Variants in DYNC2H1 observed in about 807,000 individuals in gnomAD.
DYNC2H1 encodes cytoplasmic dynein 2 heavy chain 1.
A neutral mutation model predicts 570.0 loss-of-function variants in DYNC2H1; 410 were observed. The observed-to-expected ratio is 0.72, with a 90% CI of 0.66 to 0.78. The LOEUF (loss-of-function observed/expected upper bound fraction) is 0.78, where lower values mean the gene tolerates loss of function less well. Ranked by LOEUF, DYNC2H1 falls within the 30% of genes least tolerant of loss-of-function variation. The pLI, the probability that DYNC2H1 is intolerant of heterozygous loss-of-function variation, is 0.00. For synonymous variants in DYNC2H1, 1,688 were observed against 1,677.6 expected (o/e 1.01, Z -0.15); for missense variants, 4,865 against 5,046.4 (o/e 0.96, Z 1.09).
At chr11:103,253,487 C>T (rs186419030) in intron 66 of DYNC2H1, 39 bp downstream of exon 66, 23 of 1,568,738 alleles carry the variant, frequency 1.5e-5, no homozygotes, top group Middle Eastern at 1.7e-4. Flanking sequence ...GGAATCTTTT[C>T]GAGCTTTATA....
At chr11:103,220,864 G>T in intron 57 of DYNC2H1, 81 bp downstream of exon 57, 1 of 1,379,478 alleles carries the variant, frequency 7.2e-7, no homozygotes, top group Non-Finnish European at 9.7e-7. Flanking sequence ...TTCTTATATT[G>T]TTTTTCAAAA....
At chr11:103,433,438 T>C (rs1943963798) in intron 84 of DYNC2H1, among the ~76,000 whole-genome samples, 1 of 152,078 alleles carries the variant, frequency 6.6e-6, no homozygotes, top group South Asian at 2.1e-4. Flanking sequence ...CATAAAACAA[T>C]AGAAATTTCT....
intron 84 of DYNC2H1, among the ~76,000 whole-genome samples, chr11:103,429,136 C>T (rs1472356120): frequency 6.6e-6 from 1 of 151,906 alleles, no homozygotes; most frequent in East Asian, 1.9e-4. Context: ...TGGTGGGTGC[C>T]TGTAGTTCCA....
Position 103,280,603 on chromosome 11 carries a change from A to G in DYNC2H1, c.10761+190A>G, listed in dbSNP as rs11225648. On this transcript the variant is annotated intron_variant, in intron 71 of 88. Coordinates refer to ENST00000375735, the MANE Select transcript of DYNC2H1 (RefSeq NM_001377.3). This position sits in a 1 kb window ranked among gnomAD's most constrained non-coding sequence, Gnocchi z 4.7. ...TCCCTGTGGATGAGCCTAACATTCC[A>G]GAGTGATGGTAAAGCAGGGAAAGAA... Among the ~76,000 whole-genome samples the G allele has an allele frequency of 0.034, 5,126 of 152,252 alleles. 293 individuals carry two copies. The highest frequency in any genetic ancestry group is 0.12 in the African/African-American group (4,868 of 41,542).
rs527395071 is a variant in DYNC2H1 at position 103,439,541 on chromosome 11, A to C, written c.12456+3509A>C. Among the ~76,000 whole-genome samples the C allele has an allele frequency of 6.6e-6, 1 of 152,188 alleles. No individual in the cohort carries two copies. The highest frequency in any genetic ancestry group is 1.9e-4 in the East Asian group (1 of 5,164). ...AGAAGGAAAGTCAGATTATGTTTTA[A>C]AGGGACTGTTTTAGCTGCAGTATGG... On this transcript the variant is annotated intron_variant, in intron 85 of 88. Coordinates refer to ENST00000375735, the MANE Select transcript of DYNC2H1 (RefSeq NM_001377.3). This position sits in a 1 kb window ranked among gnomAD's most constrained non-coding sequence, Gnocchi z 4.1.
intron 13 of DYNC2H1, among the ~76,000 whole-genome samples, chr11:103,132,783 C>T (rs753733984): frequency 6.6e-6 from 1 of 151,618 alleles, no homozygotes; most frequent in Non-Finnish European, 1.5e-5. Context: ...TTTACTGATA[C>T]CTTGTTGTGA....
At chr11:103,378,914 T>C (rs927686942) in intron 83 of DYNC2H1, among the ~76,000 whole-genome samples, 15 of 152,354 alleles carry the variant, frequency 9.8e-5, no homozygotes, top group Non-Finnish European at 7.3e-5. Context: ...GTATTCTTTG[T>C]CTCTGATATT....
chr11:103,146,216 A>G (rs1184825494), intron 18 of DYNC2H1, among the ~76,000 whole-genome samples: 1 of 152,226 alleles, frequency 6.6e-6, no homozygotes, highest in African/African-American at 2.4e-5. Context: ...TATGTAATTA[A>G]AACATATAAT....
chr11:103,116,475 G>C, intron 4 of DYNC2H1, 95 bp from the exon 5 acceptor site: 1 of 863,318 alleles, frequency 1.2e-6, no homozygotes, highest in Non-Finnish European at 1.6e-6. Flanking sequence ...GCAAATATTA[G>C]AGTTGTGGCA....
intron 87 of DYNC2H1, among the ~76,000 whole-genome samples, chr11:103,457,560 AAAACTT>A (rs200927458): frequency 0.018 from 1,852 of 102,918 alleles, 26 homozygotes; most frequent in African/African-American, 0.085. Flanking sequence ...TTAAAAAGAA[AAAACTT>A]AAAAAATAAT....
chr11:103,460,062 C>T (rs1426823617), intron 87 of DYNC2H1, among the ~76,000 whole-genome samples: 2 of 151,810 alleles, frequency 1.3e-5, no homozygotes, highest in African/African-American at 4.8e-5. Flanking sequence ...CTATGTGGCC[C>T]AGGGTGAATT....
rs1565413057 is a variant in DYNC2H1 at position 103,228,413 on chromosome 11, G to C, written c.9354-2847G>C. On this transcript the variant is annotated intron_variant, in intron 59 of 88. Coordinates refer to ENST00000375735, the MANE Select transcript of DYNC2H1 (RefSeq NM_001377.3). This position sits in a 1 kb window ranked among gnomAD's most constrained non-coding sequence, Gnocchi z 6.1. ...TGTGATGGTCTTTCCCTTCCCCTAGGAATGGGTAGTTCTGAGATCTGAACT... is the reference window on the plus strand; with the variant it reads ...TGTGATGGTCTTTCCCTTCCCCTAGCAATGGGTAGTTCTGAGATCTGAACT... Among the ~76,000 whole-genome samples the C allele has an allele frequency of 6.6e-6, 1 of 152,098 alleles. No individual in the cohort carries two copies. The highest frequency in any genetic ancestry group is 1.5e-5 in the Non-Finnish European group (1 of 68,008).
In DYNC2H1 at chr11:103,161,010, T is replaced by G. The variant is rs745317010; in HGVS notation, c.4457T>G (p.Phe1486Cys). The change falls in exon 29 of 89, where the codon TTT becomes TGT. Residue 1486 changes from phenylalanine to cysteine, a missense_variant. Phe to Cys is a radical substitution (Grantham distance 205). Transcript: ENST00000375735. ...TCTTTAGAGGGAGAAGTTGTACCTT[T>G]TAAAAATAAAGTTCCTCTATCAAAT... ...MKSLEGEVVP[F>C]KNKVPLSNNV... 4 of 1,540,782 alleles carry G rather than the reference T, an allele frequency of 2.6e-6. No individual in the cohort carries two copies. Among genetic ancestry groups the G allele is most frequent in the Non-Finnish European group, 3.5e-6 (4 of 1,148,050 alleles).
At position 103,211,854 on chromosome 11, in the gene DYNC2H1, C is replaced by T. The variant is rs757011895; in HGVS notation, c.8605C>T (p.Pro2869Ser). The change falls in exon 54 of 89, where the codon CCA (proline) becomes TCA (serine). Residue 2869 changes from proline to serine, a missense_variant. Transcript: ENST00000375735. ...ATCTTGTAAAGCATATGGTGCTACA[C>T]CAAGCCGATACATGACCTTTTTACA... ...HESCKAYGAT[P>S]SRYMTFLHVY... 8.8e-5 allele frequency: 134 copies of T among 1,524,938 alleles called. No homozygotes were observed. Among genetic ancestry groups the T allele is most frequent in the Non-Finnish European group, 1.1e-4 (129 of 1,133,118 alleles). The allele number at this position is 1,524,938 out of a possible 1,614,324, so 94.5% of individuals were successfully genotyped here.
rs1373507113 is a variant in DYNC2H1 at position 103,239,004 on chromosome 11, A to C, written c.9819+2465A>C. Among the ~76,000 whole-genome samples, 1 of 152,194 alleles carries C rather than the reference A, an allele frequency of 6.6e-6. No homozygotes were observed. Among genetic ancestry groups the C allele is most frequent in the African/African-American group, 2.4e-5 (1 of 41,454 alleles). ...TTTGGGTGATAAATTATATGATCTA[A>C]TATTGGTCAACTCAGTGGATAATGG... On this transcript the variant is annotated intron_variant, in intron 63 of 88. Transcript: ENST00000375735. This position sits in a 1 kb window ranked among gnomAD's most constrained non-coding sequence, Gnocchi z 4.3.
At chr11:103,182,004 G>A in intron 40 of DYNC2H1, 118 bp downstream of exon 40, 2 of 1,092,362 alleles carry the variant, frequency 1.8e-6, no homozygotes, top group Admixed American at 2.8e-5. Context: ...GGTGAGAGGT[G>A]GATTTTGTCA....
At position 103,309,168 on chromosome 11, in the gene DYNC2H1, A is replaced by ATTTTTTTTTTTTTTTTTTTTTTTT. The variant is rs386374721; in HGVS notation, c.11493+1338_11493+1361dup. On this transcript the variant is annotated intron_variant, in intron 78 of 88. Coordinates refer to ENST00000375735, the MANE Select transcript of DYNC2H1 (RefSeq NM_001377.3). ...TTATTAGTGTTTGTAACTGCATGCT[A>ATTTTTTTTTTTTTTTTTTTTTTTT]TTTTTTTTTTTTTTTTTTTTTTTTG... Among the ~76,000 whole-genome samples, 225 of 54,636 alleles carry ATTTTTTTTTTTTTTTTTTTTTTTT rather than the reference A, an allele frequency of 4.1e-3. 45 individuals are homozygous for ATTTTTTTTTTTTTTTTTTTTTTTT. Among genetic ancestry groups the ATTTTTTTTTTTTTTTTTTTTTTTT allele is most frequent in the Non-Finnish European group, 5.6e-3 (164 of 29,370 alleles). The allele number at this position is 54,636 out of a possible 152,430, so 35.8% of individuals were successfully genotyped here. A position where few individuals can be genotyped will look rare whatever the true frequency, so the allele number is the denominator to read the frequency against.
chr11:103,303,633 G>T (rs189472303), intron 76 of DYNC2H1, among the ~76,000 whole-genome samples: 4 of 152,200 alleles, frequency 2.6e-5, no homozygotes, highest in Non-Finnish European at 5.9e-5. Flanking sequence ...CATAAGGAAA[G>T]AAATGTAGGT....
chr11:103,226,824 G>A (rs935650386), intron 59 of DYNC2H1, among the ~76,000 whole-genome samples: 4 of 151,824 alleles, frequency 2.6e-5, no homozygotes, highest in Non-Finnish European at 1.5e-5. Flanking sequence ...GAATTAAGCT[G>A]TGAATCCATC....
Sources: gnomAD v4.1 joint callset for allele counts (sites outside exome capture counted in the v4.1 genomes callset) on GRCh38, gnomAD v4.1.1 for gene constraint, Gnocchi (gnomAD v3.1) non-coding constraint, MANE v1.5 for transcripts, NCBI Gene and HGNC (gene_info 2026-07-23, HGNC 2026-07-21) for gene names.